The following EEIG1 variants were observed in gnomAD, a reference collection of about 807,000 sequenced individuals.
EEIG1 encodes early estrogen-induced gene 1 protein.
At chr9:127,971,349 C>T in the EEIG1 span, among the ~76,000 whole-genome samples, 2 of 152,156 alleles carry the variant, frequency 1.3e-5, no homozygotes, top group Non-Finnish European at 2.9e-5. Flanking sequence ...GGCCCCAGCC[C>T]CCTCCTCCTT....
the EEIG1 span, among the ~76,000 whole-genome samples, chr9:127,957,381 GA>G: frequency 1.3e-5 from 2 of 151,100 alleles, no homozygotes; most frequent in African/African-American, 2.5e-5. Context: ...GCATCAAAAA[GA>G]AAAAAATACA....
the EEIG1 span, among the ~76,000 whole-genome samples, chr9:127,974,620 G>A: frequency 2.6e-5 from 4 of 152,278 alleles, no homozygotes; most frequent in East Asian, 7.7e-4. Context: ...TCAAATAAAT[G>A]GACAGACACC....
chr9:127,971,036 A>C, the EEIG1 span, among the ~76,000 whole-genome samples: 2 of 152,028 alleles, frequency 1.3e-5, no homozygotes, highest in Admixed American at 1.3e-4. Flanking sequence ...GCCTAGGGGG[A>C]GCAGGGAGCC....
chr9:127,964,963 G>T, the EEIG1 span, among the ~76,000 whole-genome samples: 1 of 152,002 alleles, frequency 6.6e-6, no homozygotes, highest in African/African-American at 2.4e-5. Context: ...ACAAAAATTA[G>T]CCAGATGTGG....
chr9:127,970,966 A>G, the EEIG1 span, among the ~76,000 whole-genome samples: 1 of 152,122 alleles, frequency 6.6e-6, no homozygotes, highest in Non-Finnish European at 1.5e-5. Context: ...TGGGGGCCAC[A>G]TCTCCAGGGC....
the EEIG1 span, chr9:127,944,590 C>A: frequency 6.3e-7 from 1 of 1,577,716 alleles, no homozygotes; most frequent in African/African-American, 1.3e-5. Flanking sequence ...GCCGCCCCGA[C>A]GACCCCTCCC....
the EEIG1 span, among the ~76,000 whole-genome samples, chr9:127,978,144 G>C: frequency 6.6e-6 from 1 of 152,122 alleles, no homozygotes; most frequent in African/African-American, 2.4e-5. Flanking sequence ...GCTCCCAACA[G>C]AACAGGGAGC....
At chr9:127,976,336 G>C in the EEIG1 span, among the ~76,000 whole-genome samples, 1 of 152,242 alleles carries the variant, frequency 6.6e-6, no homozygotes, top group Non-Finnish European at 1.5e-5. The surrounding 1 kb of genome is among the most constrained non-coding windows in gnomAD (Gnocchi z 4.1). Flanking sequence ...CAGCCCATGG[G>C]GTAGGTGACT....
At chr9:127,944,529 C>T in the EEIG1 span, 12 of 986,202 alleles carry the variant, frequency 1.2e-5, no homozygotes, top group Admixed American at 4.0e-5. Context: ...ATTTGGCGTT[C>T]AAGGCCAGGT....
the EEIG1 span, among the ~76,000 whole-genome samples, chr9:127,962,444 T>C: frequency 1.2e-4 from 18 of 152,140 alleles, no homozygotes; most frequent in Non-Finnish European, 2.5e-4. Flanking sequence ...GGGGACTGCA[T>C]TGTGGCCCAG....
the EEIG1 span, chr9:127,943,209 C>A: frequency 1.2e-6 from 2 of 1,614,080 alleles, no homozygotes; most frequent in African/African-American, 1.3e-5. Context: ...CTTTCAATCA[C>A]AACTGGCTCG....
the EEIG1 span, among the ~76,000 whole-genome samples, chr9:127,957,055 T>C: frequency 1.3e-5 from 2 of 152,046 alleles, no homozygotes; most frequent in African/African-American, 4.8e-5. Context: ...TATGTAATCC[T>C]AGCACTTTGG....
chr9:127,943,108 C>A, the EEIG1 span: 1 of 1,322,750 alleles, frequency 7.6e-7, no homozygotes, highest in Non-Finnish European at 1.1e-6. Flanking sequence ...CAGAGGTGAT[C>A]TGAAGGGGAA....
chr9:127,972,264 G>A, the EEIG1 span, among the ~76,000 whole-genome samples: 1 of 152,076 alleles, frequency 6.6e-6, no homozygotes, highest in Non-Finnish European at 1.5e-5. This position sits in a 1 kb window ranked among gnomAD's most constrained non-coding sequence, Gnocchi z 4.3. Flanking sequence ...GACCCCACTG[G>A]GGACCCTGAG....
At chr9:127,961,653 A>T in the EEIG1 span, among the ~76,000 whole-genome samples, 1 of 152,198 alleles carries the variant, frequency 6.6e-6, no homozygotes, top group Non-Finnish European at 1.5e-5. Flanking sequence ...GCAACAGAGA[A>T]AAAGGAACCA....
chr9:127,958,353 T>A, the EEIG1 span, among the ~76,000 whole-genome samples: 1 of 152,166 alleles, frequency 6.6e-6, no homozygotes, highest in Non-Finnish European at 1.5e-5. Context: ...AATATAGATA[T>A]ATTGAATGTC....
the EEIG1 span, among the ~76,000 whole-genome samples, chr9:127,947,772 G>A: frequency 1.3e-5 from 2 of 152,290 alleles, no homozygotes; most frequent in Admixed American, 6.5e-5. Context: ...CCTGTTTGCA[G>A]GTAGACATGC....
the EEIG1 span, among the ~76,000 whole-genome samples, chr9:127,973,901 G>A: frequency 6.6e-6 from 1 of 152,284 alleles, no homozygotes; most frequent in South Asian, 2.1e-4. The surrounding 1 kb of genome is among the most constrained non-coding windows in gnomAD (Gnocchi z 4.2). Flanking sequence ...GAACTCAAGT[G>A]GGCAGCCCAC....
the EEIG1 span, chr9:127,980,218 C>G: frequency 7.0e-7 from 1 of 1,425,464 alleles, no homozygotes; most frequent in African/African-American, 1.4e-5. Context: ...ACCACACCCC[C>G]TCCTCAAAAC....
Sources: gnomAD v4.1 joint callset for allele counts (sites outside exome capture counted in the v4.1 genomes callset) on GRCh38, gnomAD v4.1.1 for gene constraint, Gnocchi (gnomAD v3.1) non-coding constraint, MANE v1.5 for transcripts, NCBI Gene and HGNC (gene_info 2026-07-23, HGNC 2026-07-21) for gene names.